The following ABCA12 variants were observed in gnomAD, a reference collection of about 807,000 sequenced individuals.
The protein encoded by ABCA12 is glucosylceramide transporter ABCA12.
In ABCA12, 156 loss-of-function variants were observed where a neutral mutation model predicts 293.5. The ratio of observed to expected loss-of-function variants is 0.53; its 90% CI spans 0.47 to 0.61. The LOEUF is 0.61. Among genes scored for constraint, ABCA12 ranks in the 20% least tolerant of loss-of-function variants. ABCA12 has a pLI of 0.00. For missense variants in ABCA12, 2,797 were observed against 3,090.2 expected (o/e 0.91, Z 2.25); for synonymous variants, 1,063 against 1,108.0 (o/e 0.96, Z 0.81).
chr2:215,074,120 A>G (rs548159370), intron 2 of ABCA12, among the ~76,000 whole-genome samples: 1 of 152,274 alleles, frequency 6.6e-6, no homozygotes, highest in East Asian at 1.9e-4. Flanking sequence ...CTGGGAATGA[A>G]TATTCCATGG....
chr2:215,113,160 T>G (rs16853384), intron 1 of ABCA12, among the ~76,000 whole-genome samples: 9,278 of 152,206 alleles, frequency 0.061, 759 homozygotes, highest in African/African-American at 0.18. Context: ...CCAAACCCCA[T>G]GAATTACTGA....
In ABCA12 at chr2:215,036,951, A is replaced by G. The variant is rs145908749; in HGVS notation, c.985+2T>C. ...TAACACAGTAAGATGGAAATATAATACCTTGAGCTGGGGAGTCCAGAGTGT... is the reference window on the plus strand; with the variant it reads ...TAACACAGTAAGATGGAAATATAATGCCTTGAGCTGGGGAGTCCAGAGTGT... On this transcript the variant is annotated splice_donor_variant, in intron 8 of 52. Coordinates refer to ENST00000272895, the MANE Select transcript of ABCA12 (RefSeq NM_173076.3). LOFTEE classifies it high-confidence loss of function. 1 of 1,612,574 alleles carries G rather than the reference A, an allele frequency of 6.2e-7. No homozygotes were observed. Among genetic ancestry groups the G allele is most frequent in the Non-Finnish European group, 8.5e-7 (1 of 1,178,614 alleles).
chr2:214,956,832 A>G, intron 41 of ABCA12, 54 bp from the exon 42 acceptor site: 1 of 1,290,668 alleles, frequency 7.7e-7, no homozygotes, highest in Non-Finnish European at 1.1e-6. Context: ...TTTCAAAAAA[A>G]AAAAAATCAA....
rs1200351896 is a variant in ABCA12, at chr2:214,990,769, G to T, written c.3557C>A (p.Ala1186Asp). 1.2e-6 allele frequency: 2 copies of T among 1,614,036 alleles called. No homozygotes were observed. The highest frequency in any genetic ancestry group is 2.2e-5 in the East Asian group (1 of 44,862). ...AACCAGAACAATAAATGGAAAGAAGGCAATGATGTAGATGAGGCTTCCGAT... is the reference window on the plus strand; with the variant it reads ...AACCAGAACAATAAATGGAAAGAAGTCAATGATGTAGATGAGGCTTCCGAT... ...ALIGSLIYII[A>D]FFPFIVLVTV... The change falls in exon 24 of 53, where the codon GCC becomes GAC. Residue 1186 changes from alanine (A) to aspartate (D), a missense_variant. Coordinates refer to ENST00000272895, the MANE Select transcript of ABCA12 (RefSeq NM_173076.3).
At chr2:214,945,951 A>G (rs1698569528) in intron 48 of ABCA12, among the ~76,000 whole-genome samples, 1 of 152,114 alleles carries the variant, frequency 6.6e-6, no homozygotes. Context: ...GAGGATAGAG[A>G]GAGATTGGTT....
At chr2:215,001,139 G>T in intron 21 of ABCA12, 119 bp from the exon 22 acceptor site, 2 of 951,082 alleles carry the variant, frequency 2.1e-6, no homozygotes, top group Non-Finnish European at 3.1e-6. Context: ...TGTGACAGTA[G>T]GTTCAGGTTC....
rs1553523069 is a variant in ABCA12, at chr2:214,975,869, G to A, written c.5297C>T (p.Thr1766Ile). The A allele has an allele frequency of 3.7e-6, 6 of 1,613,982 alleles. No individual in the cohort carries two copies. In the South Asian group the frequency reaches 6.6e-5, roughly 18 times the overall value. ...ATAACTGTTGCTGGAATTTCTCAGT[G>A]TGCCAAGGCCCATGGCAGTGGTAAC... Reference protein sequence around the residue: ...VFVTTAMGLGTLRNSSNSYPE... With the variant: ...VFVTTAMGLGILRNSSNSYPE... Residue 1766 changes from threonine (T) to isoleucine (I), a missense_variant, in exon 34 of 53, where the codon ACA becomes ATA. Physicochemically the swap from Thr to Ile is moderately conservative, Grantham distance 89. Around this residue, in one of 3 missense-constraint regions of ABCA12, gnomAD observed 2,130 missense variants for 2,427.0 expected, o/e 0.88. Coordinates refer to ENST00000272895, the MANE Select transcript of ABCA12 (RefSeq NM_173076.3).
At chr2:215,132,453 ATCTTCTTGTTGTATTGAGCCT>A (rs1381087312) in intron 1 of ABCA12, among the ~76,000 whole-genome samples, 1 of 150,632 alleles carries the variant, frequency 6.6e-6, no homozygotes. Context: ...GGATAGTTGA[ATCTTCTTGTTGTATTGAGCCT>A]TTTATCATTA....
chr2:215,077,981 T>G (rs1274361276), intron 2 of ABCA12, among the ~76,000 whole-genome samples: 3 of 152,190 alleles, frequency 2.0e-5, no homozygotes, highest in Non-Finnish European at 4.4e-5. Flanking sequence ...TTTCAAGGAA[T>G]TTCCACAGAT....
At chr2:215,031,950 T>A in intron 8 of ABCA12, 54 bp from the exon 9 acceptor site, 2 of 1,609,598 alleles carry the variant, frequency 1.2e-6, no homozygotes, top group South Asian at 1.1e-5. Flanking sequence ...CTTAAAGATT[T>A]TTTTCCTCAG....
intron 1 of ABCA12, among the ~76,000 whole-genome samples, chr2:215,121,878 T>C (rs560987105): frequency 6.6e-6 from 1 of 152,316 alleles, no homozygotes; most frequent in South Asian, 2.1e-4. Context: ...CCACCATGAA[T>C]GTGAGGCTTC....
intron 9 of ABCA12, among the ~76,000 whole-genome samples, chr2:215,030,867 A>T (rs1339183203): frequency 2.0e-5 from 3 of 152,224 alleles, no homozygotes; most frequent in Admixed American, 2.0e-4. Flanking sequence ...AAATTGGTTA[A>T]ACCTAAGTAA....
intron 2 of ABCA12, among the ~76,000 whole-genome samples, chr2:215,086,429 G>T (rs1702038637): frequency 1.3e-5 from 2 of 152,180 alleles, no homozygotes; most frequent in Admixed American, 6.5e-5. Context: ...CCTTCAGTCA[G>T]TCCTGGGATG....
In ABCA12 at chr2:215,054,718, C is replaced by T. The variant is rs2106061183; in HGVS notation, c.318-54G>A. On this transcript the variant is annotated intron_variant, in intron 3 of 52. Transcript: ENST00000272895. ...ACTTCTCCCACATTAATTTTAGTTA[C>T]AGCAATGTATTATGTGGCAGATTCC... The T allele has an allele frequency of 3.6e-6, 5 of 1,371,388 alleles. No individual in the cohort carries two copies. In the South Asian group the frequency reaches 5.8e-5, roughly 16 times the overall value. The allele number at this position is 1,371,388 out of a possible 1,614,324, so 85.0% of individuals were successfully genotyped here. A position where few individuals can be genotyped will look rare whatever the true frequency, so the allele number is the denominator to read the frequency against.
chr2:214,953,081 C>A (rs920890228), intron 44 of ABCA12, among the ~76,000 whole-genome samples: 47 of 152,158 alleles, frequency 3.1e-4, no homozygotes, highest in African/African-American at 1.1e-3. Context: ...ATAAATATTT[C>A]TTTTCTTTTT....
chr2:215,058,834 T>C (rs1030967876), intron 3 of ABCA12, among the ~76,000 whole-genome samples: 1 of 152,082 alleles, frequency 6.6e-6, no homozygotes, highest in Non-Finnish European at 1.5e-5. Context: ...AATTCCATCA[T>C]TCTGAGGAAA....
intron 8 of ABCA12, among the ~76,000 whole-genome samples, chr2:215,036,442 C>A (rs1316820391): frequency 6.6e-6 from 1 of 152,126 alleles, no homozygotes; most frequent in Non-Finnish European, 1.5e-5. Flanking sequence ...CCTTACATCT[C>A]CAAACCTTTG....
chr2:215,101,934 G>A (rs1322559781), intron 2 of ABCA12, among the ~76,000 whole-genome samples: 1 of 152,142 alleles, frequency 6.6e-6, no homozygotes, highest in Non-Finnish European at 1.5e-5. Context: ...CCAGCCACCA[G>A]CTCCTACTCC....
intron 2 of ABCA12, among the ~76,000 whole-genome samples, chr2:215,090,809 T>C (rs1441090828): frequency 6.6e-6 from 1 of 152,120 alleles, no homozygotes; most frequent in Non-Finnish European, 1.5e-5. Flanking sequence ...ACCTTTTTAC[T>C]ACGGGCAATC....
Sources: gnomAD v4.1 joint callset for allele counts (sites outside exome capture counted in the v4.1 genomes callset) on GRCh38, gnomAD v4.1.1 for gene constraint, gnomAD v4.1.1 regional missense constraint, MANE v1.5 for transcripts, NCBI Gene and HGNC (gene_info 2026-07-23, HGNC 2026-07-21) for gene names.